TBCA: variants seen among roughly 807,000 people sequenced by gnomAD.
TBCA encodes tubulin folding cofactor A, also known as tubulin-specific chaperone A.
In TBCA, 6 loss-of-function variants were observed where a neutral mutation model predicts 15.8. The ratio of observed to expected loss-of-function variants is 0.38; its 90% confidence interval spans 0.21 to 0.75. The LOEUF is 0.75. Among genes scored for constraint, TBCA ranks in the 30% least tolerant of loss-of-function variants. TBCA has a pLI of 0.46. For missense variants in TBCA, 90 were observed against 131.2 expected (o/e 0.69, Z 1.53); for synonymous variants, 32 against 42.3 (o/e 0.76, Z 0.94).
At position 77,763,178 on chromosome 5, in the gene TBCA, A is replaced by G. The variant is rs572555698; in HGVS notation, c.53+13027T>C. ...AGAATGGCGTGAACCCGGGAGGCGG[A>G]GCTTGCAGTGAGTCGAGATTGCGCC... On this transcript the variant is annotated intron_variant, in intron 1 of 3. Coordinates refer to ENST00000380377, the MANE Select transcript of TBCA (RefSeq NM_004607.3). Among the ~76,000 whole-genome samples the G allele has an allele frequency of 2.0e-4, 31 of 152,252 alleles. No individual in the cohort carries two copies. In the East Asian group the frequency reaches 6.0e-3, roughly 29 times the overall value.
At chr5:77,715,570 C>T (rs192265029) in intron 1 of TBCA, among the ~76,000 whole-genome samples, 26 of 152,234 alleles carry the variant, frequency 1.7e-4, no homozygotes, top group African/African-American at 6.3e-4. Flanking sequence ...GACACACACA[C>T]ATGCACACCC....
At chr5:77,735,593 A>G (rs958089833) in intron 1 of TBCA, among the ~76,000 whole-genome samples, 1 of 152,210 alleles carries the variant, frequency 6.6e-6, no homozygotes, top group African/African-American at 2.4e-5. Context: ...TTTAGTCCAT[A>G]TTTATAATTA....
At chr5:77,736,702 C>T (rs1353700076) in intron 1 of TBCA, among the ~76,000 whole-genome samples, 1 of 152,168 alleles carries the variant, frequency 6.6e-6, no homozygotes, top group Non-Finnish European at 1.5e-5. Context: ...TTACTACTTG[C>T]TCTAGACCTA....
rs562100524 is a variant in TBCA, at chr5:77,776,252, G to A, written c.6C>T (p.Ala2=). 6.3e-5 allele frequency: 99 copies of A among 1,580,014 alleles called. No homozygotes were observed. Among genetic ancestry groups the A allele is most frequent in the Non-Finnish European group, 8.4e-5 (98 of 1,164,014 alleles). ...TCTTGATCTGTCTCACGCGAGGATC[G>A]GCCATGGTCCCTCGAGCGCCGCGAG... M[A]DPRVRQIKIK... Residue 2 remains alanine, a synonymous_variant, in exon 1 of 4, where the codon GCC becomes GCT. Transcript: ENST00000380377.
intron 2 of TBCA, among the ~76,000 whole-genome samples, chr5:77,693,797 C>CT (rs1745810212): frequency 4.4e-5 from 1 of 22,972 alleles, no homozygotes; most frequent in Non-Finnish European, 1.3e-4. Context: ...GAAACTCCAT[C>CT]TCAAAAAAAA....
chr5:77,768,546 C>T lies in TBCA; in HGVS notation c.53+7659G>A, dbSNP rs1419977174. Reference sequence around the variant, plus strand: ...ATATAGTAATTGATTCAGTGGCTCTCTACTGCTTATCCGATCAGGTTCAAA... The same window carrying T: ...ATATAGTAATTGATTCAGTGGCTCTTTACTGCTTATCCGATCAGGTTCAAA... On this transcript the variant is annotated intron_variant, in intron 1 of 3. Transcript: ENST00000380377. Among the ~76,000 whole-genome samples the T allele has an allele frequency of 3.9e-5, 6 of 152,270 alleles. No individual in the cohort carries two copies. The East Asian group carries it at 1.2e-3, about 29-fold the overall frequency.
At chr5:77,691,711 A>G in intron 3 of TBCA, 3 of 1,295,918 alleles carry the variant, frequency 2.3e-6, no homozygotes, top group Non-Finnish European at 2.9e-6. Flanking sequence ...GTTTTGTTTC[A>G]CTGTATATAT....
chr5:77,771,306 G>T (rs569511712), intron 1 of TBCA, among the ~76,000 whole-genome samples: 2 of 152,034 alleles, frequency 1.3e-5, no homozygotes, highest in African/African-American at 4.8e-5. Context: ...TTAAAATCTT[G>T]TTGCTGGAAG....
At chr5:77,699,033 CAAAAAAAAAAAA>C (rs71608119) in intron 2 of TBCA, among the ~76,000 whole-genome samples, 1 of 70,100 alleles carries the variant, frequency 1.4e-5, no homozygotes, top group Non-Finnish European at 2.4e-5. Flanking sequence ...GCAAGAGCAT[CAAAAAAAAAAAA>C]AAAAAAAAAA....
chr5:77,750,413 T>C (rs1747296058), intron 1 of TBCA, among the ~76,000 whole-genome samples: 1 of 152,154 alleles, frequency 6.6e-6, no homozygotes, highest in Non-Finnish European at 1.5e-5. Context: ...GATGTGTTCC[T>C]GACTCACGAA....
chr5:77,732,929 T>C (rs1746807207), intron 1 of TBCA, among the ~76,000 whole-genome samples: 1 of 152,180 alleles, frequency 6.6e-6, no homozygotes, highest in Non-Finnish European at 1.5e-5. Context: ...AACTCTATAA[T>C]GGCCTCTAAG....
In TBCA at chr5:77,692,626, AGCTAC is replaced by A. The variant is rs1173009708; in HGVS notation, c.246+635_246+639del. 2.1e-4 allele frequency: 207 copies of A among 985,394 alleles called. 2 individuals are homozygous for A. The African/African-American group carries it at 3.2e-3, about 15-fold the overall frequency. The allele number at this position is 985,394 out of a possible 1,614,324, so 61.0% of individuals were successfully genotyped here. A position where few individuals can be genotyped will look rare whatever the true frequency, so the allele number is the denominator to read the frequency against. ...TCCAAGCAATTTCTATTACTTTCTC[AGCTAC>A]TAGATTCATGAGAGAAAAAAGCATT... On this transcript the variant is annotated intron_variant, in intron 3 of 3. Coordinates refer to ENST00000380377, the MANE Select transcript of TBCA (RefSeq NM_004607.3).
At chr5:77,760,249 A>C (rs1321766580) in intron 1 of TBCA, among the ~76,000 whole-genome samples, 1 of 152,246 alleles carries the variant, frequency 6.6e-6, no homozygotes, top group African/African-American at 2.4e-5. Context: ...TTTAGAAGAC[A>C]TAGGAGGGAA....
chr5:77,715,371 A>G (rs1399787194), intron 1 of TBCA: 2 of 684,646 alleles, frequency 2.9e-6, no homozygotes, highest in Non-Finnish European at 5.3e-6. Context: ...CTGAAAAACA[A>G]TCAGTCTAAA....
rs1301585951 is a variant in TBCA, at chr5:77,754,782, TA to T, written c.53+21422del. Among the ~76,000 whole-genome samples, 187 of 152,304 alleles carry T rather than the reference TA, an allele frequency of 1.2e-3. 1 individual carries two copies. Among genetic ancestry groups the T allele is most frequent in the Non-Finnish European group, 1.9e-4 (13 of 68,004 alleles). ...TAAACCTTAGAGTATTTGGCAGAGA[TA>T]AAAATGAAATTGTTTCATCAATAAA... is the stretch of plus-strand genomic sequence containing the variant. On this transcript the variant is annotated intron_variant, in intron 1 of 3. Transcript: ENST00000380377.
intron 1 of TBCA, among the ~76,000 whole-genome samples, chr5:77,752,627 C>A (rs1159517837): frequency 1.4e-5 from 1 of 69,202 alleles, no homozygotes; most frequent in African/African-American, 4.9e-5. Context: ...GGCGCAATCT[C>A]GGCTCACTGC....
At chr5:77,732,515 C>T (rs2112469766) in intron 1 of TBCA, among the ~76,000 whole-genome samples, 1 of 134,880 alleles carries the variant, frequency 7.4e-6, no homozygotes, top group South Asian at 2.4e-4. Flanking sequence ...CGTGCCACTG[C>T]ACTCCAGTCT....
rs1451401709 is a variant in TBCA at position 77,715,371 on chromosome 5, A to AT, written c.54-7025dup. 1.2e-5 allele frequency: 8 copies of AT among 684,764 alleles called. No individual in the cohort carries two copies. The African/African-American group carries it at 1.3e-4, about 11-fold the overall frequency. The allele number at this position is 684,764 out of a possible 1,614,324, so 42.4% of individuals were successfully genotyped here. On this transcript the variant is annotated intron_variant, in intron 1 of 3. Transcript: ENST00000380377. ...CACTGTGCTATAGGCCTGAAAAACAATCAGTCTAAATGAGGATCTTAGTGT... is the reference window on the plus strand; with the variant it reads ...CACTGTGCTATAGGCCTGAAAAACAATTCAGTCTAAATGAGGATCTTAGTGT...
At chr5:77,712,481 A>T (rs1388722427) in intron 1 of TBCA, among the ~76,000 whole-genome samples, 1 of 152,174 alleles carries the variant, frequency 6.6e-6, no homozygotes, top group Non-Finnish European at 1.5e-5. Flanking sequence ...AAAGGCTAAG[A>T]TTTAATAAGA....
Sources: gnomAD v4.1 joint callset for allele counts (sites outside exome capture counted in the v4.1 genomes callset) on GRCh38, gnomAD v4.1.1 for gene constraint, MANE v1.5 for transcripts, NCBI Gene and HGNC (gene_info 2026-07-23, HGNC 2026-07-21) for gene names.